The following AGMO variants were observed in gnomAD, a reference collection of about 807,000 sequenced individuals.
AGMO encodes the protein alkylglycerol monooxygenase.
A neutral mutation model predicts 60.2 loss-of-function variants in AGMO; 75 were observed. That is an observed-to-expected ratio of 1.25 (90% CI 1.03 to 1.51). The LOEUF (loss-of-function observed/expected upper bound fraction) is 1.51, where lower values mean the gene tolerates loss of function less well. Among genes scored for constraint, AGMO ranks in the 40% most tolerant of loss-of-function variants. The pLI is 0.00. For synonymous variants in AGMO, 261 were observed against 177.1 expected, an observed-to-expected ratio of 1.47 and a Z score of -3.76; for missense variants, 763 against 525.5, an observed-to-expected ratio of 1.45 and a Z score of -4.42.
intron 5 of AGMO, among the ~76,000 whole-genome samples, chr7:15,406,931 G>GCGCA (rs1456903896): frequency 7.4e-5 from 7 of 94,512 alleles, no homozygotes; most frequent in Middle Eastern, 9.1e-3. Flanking sequence ...ATACACACGC[G>GCGCA]CACACACACA....
At chr7:15,412,665 C>T (rs553253738) in intron 5 of AGMO, among the ~76,000 whole-genome samples, 2 of 147,306 alleles carry the variant, frequency 1.4e-5, no homozygotes, top group African/African-American at 2.5e-5. Context: ...TTTGTAAACA[C>T]CTCCAGCATT....
intron 3 of AGMO, among the ~76,000 whole-genome samples, chr7:15,456,030 T>A (rs1024556533): frequency 6.6e-6 from 1 of 152,102 alleles, no homozygotes; most frequent in Non-Finnish European, 1.5e-5. Context: ...GAGAAAAACA[T>A]GTTGGCTATG....
At chr7:15,135,847 T>G in the AGMO span, among the ~76,000 whole-genome samples, 1 of 151,916 alleles carries the variant, frequency 6.6e-6, no homozygotes, top group South Asian at 2.1e-4. Flanking sequence ...TTACTTTCCC[T>G]TCTTCCAGCT....
At chr7:15,257,925 A>G (rs1244587884) in intron 12 of AGMO, among the ~76,000 whole-genome samples, 1 of 152,146 alleles carries the variant, frequency 6.6e-6, no homozygotes, top group Non-Finnish European at 1.5e-5. Context: ...ACATATCCCA[A>G]ACAGATTGAT....
chr7:15,342,303 G>C (rs755102353), intron 12 of AGMO, among the ~76,000 whole-genome samples: 1 of 151,726 alleles, frequency 6.6e-6, no homozygotes, highest in South Asian at 2.1e-4. Context: ...CTGCAAGTGT[G>C]CAATGCTGTG....
rs764153276 is a variant in AGMO at position 15,418,545 on chromosome 7, A to T, written c.609+13T>A. ...TTAGGTATAAAACTTACAAAGATAA[A>T]AAAAAGTTTTACCTCTGTATGGATC... On this transcript the variant is annotated intron_variant, in intron 5 of 12. Transcript: ENST00000342526. The T allele has an allele frequency of 1.6e-5, 24 of 1,534,320 alleles. No homozygotes were observed. The South Asian group carries it at 2.8e-4, about 18-fold the overall frequency.
At chr7:15,269,469 T>A (rs1783530195) in intron 12 of AGMO, among the ~76,000 whole-genome samples, 1 of 151,824 alleles carries the variant, frequency 6.6e-6, no homozygotes, top group Non-Finnish European at 1.5e-5. Flanking sequence ...CAAACTCAAG[T>A]GAGCTGGAAA....
intron 12 of AGMO, among the ~76,000 whole-genome samples, chr7:15,218,193 G>A (rs946114213): frequency 1.3e-5 from 2 of 152,052 alleles, no homozygotes; most frequent in Non-Finnish European, 2.9e-5. Flanking sequence ...GAGTGAAAAT[G>A]TAACAGTGTG....
intron 3 of AGMO, among the ~76,000 whole-genome samples, chr7:15,437,858 A>G (rs1781445044): frequency 6.6e-6 from 1 of 152,190 alleles, no homozygotes; most frequent in African/African-American, 2.4e-5. Flanking sequence ...ACATGTAGAC[A>G]TTAAATAATC....
At chr7:15,199,671 C>A (rs1781221876), downstream of AGMO, among the ~76,000 whole-genome samples, 1 of 152,096 alleles carries the variant, frequency 6.6e-6, no homozygotes, top group African/African-American at 2.4e-5. Flanking sequence ...CAGCAGAGGG[C>A]TCCCTACTGT....
intron 1 of AGMO, 34 bp from the exon 2 acceptor site, chr7:15,560,305 A>G (rs1175457706): frequency 1.3e-6 from 2 of 1,586,544 alleles, no homozygotes; most frequent in Middle Eastern, 1.7e-4. Flanking sequence ...AGATGCTATT[A>G]TGTTCCATAT....
the AGMO span, among the ~76,000 whole-genome samples, chr7:15,159,349 T>C: frequency 2.8e-4 from 42 of 152,302 alleles, no homozygotes; most frequent in Middle Eastern, 3.4e-3. Flanking sequence ...CTTTAAGCTC[T>C]ACAGAAGTGG....
intron 12 of AGMO, among the ~76,000 whole-genome samples, chr7:15,229,185 C>T (rs1316216848): frequency 1.3e-5 from 2 of 152,014 alleles, no homozygotes; most frequent in Non-Finnish European, 2.9e-5. Context: ...CCGACAAACA[C>T]AAATGATTCA....
chr7:15,139,059 C>G, the AGMO span, among the ~76,000 whole-genome samples: 1 of 152,160 alleles, frequency 6.6e-6, no homozygotes, highest in Admixed American at 6.5e-5. Context: ...CCTATCTGCT[C>G]TTCTTCCTAC....
chr7:15,201,453 A>G, intron 12 of AGMO, 94 bp from the exon 13 acceptor site: 1 of 862,178 alleles, frequency 1.2e-6, no homozygotes, highest in African/African-American at 1.7e-5. Context: ...AGGAAAATGA[A>G]CATGGACATT....
At chr7:15,441,763 A>C (rs573286963) in intron 3 of AGMO, among the ~76,000 whole-genome samples, 191 of 152,302 alleles carry the variant, frequency 1.3e-3, no homozygotes, top group African/African-American at 4.1e-3. Context: ...CCATTTTGAA[A>C]GGAGACGAAC....
Position 15,531,448 on chromosome 7 carries a change from TATTC to T in AGMO, c.409+13320_409+13323del, listed in dbSNP as rs1403710464. On this transcript the variant is annotated intron_variant, in intron 3 of 12. Coordinates refer to ENST00000342526, the MANE Select transcript of AGMO (RefSeq NM_001004320.2). ...ATATTCTATATATATATTCTATATA[TATTC>T]TCTATATATATTCTATATATATTCT... Among the ~76,000 whole-genome samples, 18 of 61,068 alleles carry T rather than the reference TATTC, an allele frequency of 2.9e-4. 1 individual carries two copies. Among genetic ancestry groups the T allele is most frequent in the African/African-American group, 1.5e-3 (18 of 12,012 alleles). The allele number at this position is 61,068 out of a possible 152,430, so 40.1% of individuals were successfully genotyped here.
chr7:15,177,148 C>T, the AGMO span, among the ~76,000 whole-genome samples: 1 of 152,068 alleles, frequency 6.6e-6, no homozygotes, highest in Non-Finnish European at 1.5e-5. Flanking sequence ...GAGAATACAA[C>T]TGCTCCATCC....
At chr7:15,244,854 A>T (rs1188160511) in intron 12 of AGMO, among the ~76,000 whole-genome samples, 4 of 151,946 alleles carry the variant, frequency 2.6e-5, no homozygotes, top group African/African-American at 7.3e-5. Context: ...GCGTTTCACC[A>T]TGTTACTCAG....
Sources: allele counts gnomAD v4.1 joint callset (sites outside exome capture counted in the v4.1 genomes callset), GRCh38; gene constraint gnomAD v4.1.1; transcripts MANE v1.5; gene names NCBI Gene and HGNC (gene_info 2026-07-23, HGNC 2026-07-21).